FRMD3: variants seen among roughly 807,000 people sequenced by gnomAD.
FRMD3 encodes the protein FERM domain containing 3.
A neutral mutation model predicts 70.2 loss-of-function variants in FRMD3; 33 were observed. That is an observed-to-expected ratio of 0.47 (90% CI 0.36 to 0.63). The LOEUF (loss-of-function observed/expected upper bound fraction) is 0.63. Ranked by LOEUF, FRMD3 falls within the 20% of genes least tolerant of loss-of-function variation. FRMD3 has a pLI of 0.00. For synonymous variants in FRMD3, 279 were observed against 255.9 expected (o/e 1.09, Z -0.86); for missense variants, 632 against 711.4 (o/e 0.89, Z 1.27).
chr9:83,329,772 CA>C (rs1170289710), intron 6 of FRMD3, among the ~76,000 whole-genome samples: 1 of 152,126 alleles, frequency 6.6e-6, no homozygotes, highest in Non-Finnish European at 1.5e-5. Context: ...GCTTTACTGC[CA>C]ATTGAGCCTT....
At chr9:83,575,097 C>A in the FRMD3 span, among the ~76,000 whole-genome samples, 1 of 152,180 alleles carries the variant, frequency 6.6e-6, no homozygotes, top group Non-Finnish European at 1.5e-5. Flanking sequence ...AAGTTGAAAT[C>A]ATCCCTTAAG....
At chr9:83,331,180 T>A (rs1394241549) in intron 6 of FRMD3, among the ~76,000 whole-genome samples, 6 of 152,246 alleles carry the variant, frequency 3.9e-5, no homozygotes, top group African/African-American at 1.4e-4. Flanking sequence ...TATTCATAAT[T>A]GCTCAAACTT....
intron 1 of FRMD3, among the ~76,000 whole-genome samples, chr9:83,458,915 C>T (rs1341667191): frequency 6.6e-6 from 1 of 152,198 alleles, no homozygotes; most frequent in African/African-American, 2.4e-5. Flanking sequence ...GCACCATTTT[C>T]TACTTATGAA....
intron 1 of FRMD3, among the ~76,000 whole-genome samples, chr9:83,494,833 A>ATGTGTGTGTGTGTGTGTGTGTGTG (rs377201441): frequency 1.0e-4 from 15 of 149,320 alleles, no homozygotes; most frequent in African/African-American, 3.7e-4. Context: ...CTGTGCATTT[A>ATGTGTGTGTGTGTGTGTGTGTGTG]TGTGTGTGTG....
intron 1 of FRMD3, among the ~76,000 whole-genome samples, chr9:83,488,205 T>C (rs1245703333): frequency 1.3e-5 from 2 of 152,228 alleles, no homozygotes; most frequent in Non-Finnish European, 2.9e-5. Flanking sequence ...TACAACTAAA[T>C]AGTTGTCATG....
chr9:83,302,928 T>A (rs1834980481), intron 10 of FRMD3, among the ~76,000 whole-genome samples: 1 of 152,098 alleles, frequency 6.6e-6, no homozygotes, highest in Non-Finnish European at 1.5e-5. Flanking sequence ...CAACTCCCCA[T>A]CAAAGTCCCA....
the FRMD3 span, among the ~76,000 whole-genome samples, chr9:83,560,227 C>G: frequency 1.3e-5 from 2 of 152,142 alleles, no homozygotes. Context: ...TCTTCCCTGC[C>G]CTGTTGATGT....
At chr9:83,335,791 CTAGAGGCT>C in intron 5 of FRMD3, 152 bp from the exon 6 acceptor site, 1 of 610,844 alleles carries the variant, frequency 1.6e-6, no homozygotes, top group Non-Finnish European at 2.8e-6. Flanking sequence ...GCCTGAGTGT[CTAGAGGCT>C]CATATTCCAG....
intron 1 of FRMD3, among the ~76,000 whole-genome samples, chr9:83,465,012 T>A: frequency 8.7e-6 from 1 of 114,848 alleles, no homozygotes. Flanking sequence ...AGAGAGAAAC[T>A]CTGTCTCAAA....
At chr9:83,329,717 G>T (rs915011846) in intron 6 of FRMD3, among the ~76,000 whole-genome samples, 23 of 152,184 alleles carry the variant, frequency 1.5e-4, no homozygotes, top group Admixed American at 2.0e-4. Flanking sequence ...CTAGTTGGAT[G>T]ATTTTCCTGC....
chr9:83,476,655 C>A (rs139627806), intron 1 of FRMD3, among the ~76,000 whole-genome samples: 1 of 152,092 alleles, frequency 6.6e-6, no homozygotes, highest in Non-Finnish European at 1.5e-5. Flanking sequence ...GAAAATGTAC[C>A]GCAGGAAAGA....
intron 6 of FRMD3, among the ~76,000 whole-genome samples, chr9:83,334,916 T>C (rs539625360): frequency 3.3e-5 from 5 of 152,192 alleles, no homozygotes; most frequent in Non-Finnish European, 5.9e-5. Flanking sequence ...ATAACCTATC[T>C]CCTAGGTTGT....
chr9:83,381,076 G>A (rs145408611), intron 2 of FRMD3, among the ~76,000 whole-genome samples: 1 of 152,244 alleles, frequency 6.6e-6, no homozygotes, highest in East Asian at 1.9e-4. Flanking sequence ...AATGCCATCT[G>A]ATGAATGTAG....
intron 1 of FRMD3, among the ~76,000 whole-genome samples, chr9:83,514,321 C>A: frequency 6.6e-6 from 1 of 152,158 alleles, no homozygotes; most frequent in East Asian, 1.9e-4. Flanking sequence ...GCGGTTTTCC[C>A]CTCACAGTGT....
At chr9:83,309,392 C>T in intron 10 of FRMD3, 144 bp downstream of exon 10, 2 of 578,926 alleles carry the variant, frequency 3.5e-6, no homozygotes, top group Non-Finnish European at 6.1e-6. Context: ...GGGAGTCACC[C>T]TGAACAATGC....
At chr9:83,540,614 A>C (rs1465540054), upstream of FRMD3, among the ~76,000 whole-genome samples, 1 of 152,228 alleles carries the variant, frequency 6.6e-6, no homozygotes, top group African/African-American at 2.4e-5. Flanking sequence ...TACCCAATGA[A>C]GACAAGGCTC....
intron 13 of FRMD3, among the ~76,000 whole-genome samples, chr9:83,284,761 T>C (rs1834119772): frequency 1.3e-5 from 2 of 152,138 alleles, no homozygotes; most frequent in Non-Finnish European, 2.9e-5. Flanking sequence ...GTCTGAACCA[T>C]GACCATGGAA....
intron 1 of FRMD3, among the ~76,000 whole-genome samples, chr9:83,490,679 G>A (rs967378994): frequency 1.3e-5 from 2 of 151,836 alleles, no homozygotes; most frequent in Non-Finnish European, 2.9e-5. Flanking sequence ...AATACTTTAG[G>A]GGGAAAATTG....
At chr9:83,442,806 C>G (rs1418133416) in intron 1 of FRMD3, among the ~76,000 whole-genome samples, 1 of 152,128 alleles carries the variant, frequency 6.6e-6, no homozygotes. Flanking sequence ...CTCCCCTCTC[C>G]TCCCCATCTC....
Sources: allele counts gnomAD v4.1 joint callset (sites outside exome capture counted in the v4.1 genomes callset), GRCh38; gene constraint gnomAD v4.1.1; transcripts MANE v1.5; gene names NCBI Gene and HGNC (gene_info 2026-07-23, HGNC 2026-07-21).